The following SIGLEC1 variants were observed in gnomAD, a reference collection of about 807,000 sequenced individuals.
SIGLEC1 encodes sialoadhesin.
Under a neutral mutation model 148.0 loss-of-function variants are expected in SIGLEC1, and 132 were observed. The observed-to-expected ratio is 0.89, with a 90% confidence interval of 0.77 to 1.03. SIGLEC1 has a LOEUF of 1.03. SIGLEC1 is among the 50% of genes least tolerant of loss of function. The pLI, the probability that SIGLEC1 is intolerant of heterozygous loss-of-function variation, is 0.00. For synonymous variants in SIGLEC1, 945 were observed against 969.0 expected, an observed-to-expected ratio of 0.98 and a Z score of 0.46; for missense variants, 2,253 against 2,271.4, an observed-to-expected ratio of 0.99 and a Z score of 0.16.
At position 3,691,339 on chromosome 20, in the gene SIGLEC1, CAG is replaced by C; in HGVS notation, c.4590_4591del (p.Tyr1531ProfsTer14). The C allele has an allele frequency of 2.5e-6, 4 of 1,613,392 alleles. No individual in the cohort carries two copies. The highest frequency in any genetic ancestry group is 3.4e-6 in the Non-Finnish European group (4 of 1,179,944). ...AGGCGGAGGAGGGGGTTCACACTCACAGAGCACACGGAGCATGACTGGAGCAG... is the reference window on the plus strand; with the variant it reads ...AGGCGGAGGAGGGGGTTCACACTCACAGCACACGGAGCATGACTGGAGCAG... On this transcript the variant is annotated frameshift_variant and splice_region_variant, in exon 18 of 22. Coordinates refer to ENST00000344754, the MANE Select transcript of SIGLEC1 (RefSeq NM_023068.4). LOFTEE classifies it high-confidence loss of function.
At position 3,706,385 on chromosome 20, in the gene SIGLEC1, C is replaced by A. The variant is rs773490618; in HGVS notation, c.371G>T (p.Arg124Leu). 7 of 1,613,734 alleles carry A rather than the reference C, an allele frequency of 4.3e-6. No individual in the cohort carries two copies. The Admixed American group carries it at 8.3e-5, about 19-fold the overall frequency. ...CAAGGTGCCTTTCACATCTGACCAG[C>A]GGTTGACCTCACTGATCTCGAAGCG... ...NFRFEISEVN[R>L]WSDVKGTLVT... The change falls in exon 3 of 22, where the codon CGC becomes CTC. Residue 124 changes from arginine to leucine, a missense_variant. Coordinates refer to ENST00000344754, the MANE Select transcript of SIGLEC1 (RefSeq NM_023068.4).
rs2087804506 is a variant in SIGLEC1, at chr20:3,696,777, T to C, written c.2492A>G (p.His831Arg). Reference protein sequence around the residue: ...SRPLALLALFHGEHLLATSLG... With the variant: ...SRPLALLALFRGEHLLATSLG... The stretch of plus-strand genomic sequence containing the variant: ...GCTGGTGGCCAGGAGGTGCTCCCCA[T>C]GGAACAAGGCCAGCAAGGCCAGGGG... The change falls in exon 11 of 22, where the codon CAT becomes CGT. Residue 831 changes from histidine to arginine, a missense_variant. Physicochemically the swap from His to Arg is conservative, Grantham distance 29. Coordinates refer to ENST00000344754, the MANE Select transcript of SIGLEC1 (RefSeq NM_023068.4). 4 of 1,613,052 alleles carry C rather than the reference T, an allele frequency of 2.5e-6. No homozygotes were observed. In the East Asian group the frequency reaches 8.9e-5, roughly 36 times the overall value.
intron 5 of SIGLEC1, 126 bp from the exon 6 acceptor site, chr20:3,703,577 A>G: frequency 7.8e-7 from 1 of 1,277,726 alleles, no homozygotes. Flanking sequence ...GCCTGCTGCT[A>G]CAGGGGAGCC....
intron 11 of SIGLEC1, among the ~76,000 whole-genome samples, 163 bp from the exon 12 acceptor site, chr20:3,695,086 C>G (rs779681341): frequency 6.6e-6 from 1 of 152,198 alleles, no homozygotes; most frequent in Non-Finnish European, 1.5e-5. Flanking sequence ...TGCCTTGGCC[C>G]CTCCTGCTCC....
intron 6 of SIGLEC1, 144 bp from the exon 7 acceptor site, chr20:3,701,785 G>T: frequency 1.3e-6 from 1 of 769,102 alleles, no homozygotes; most frequent in Non-Finnish European, 1.9e-6. Context: ...AGTGCCTGCT[G>T]AATACACTTT....
At position 3,703,368 on chromosome 20, in the gene SIGLEC1, G is replaced by T. The variant is rs764118571; in HGVS notation, c.1057C>A (p.Pro353Thr). 2 of 1,613,346 alleles carry T rather than the reference G, an allele frequency of 1.2e-6. No individual in the cohort carries two copies. Among genetic ancestry groups the T allele is most frequent in the Non-Finnish European group, 1.7e-6 (2 of 1,179,588 alleles). Reference protein sequence around the residue: ...TLVCNTPNEAPSDLRYSWYKN... With the variant: ...TLVCNTPNEATSDLRYSWYKN... ...TACCAGCTGTAGCGGAGATCACTGG[G>T]TGCCTCATTGGGTGTGTTGCAGACT... The change falls in exon 6 of 22, where the codon CCC becomes ACC. Residue 353 changes from proline (P) to threonine (T), a missense_variant. Pro to Thr is a conservative substitution (Grantham distance 38, BLOSUM62 -1). Coordinates refer to ENST00000344754, the MANE Select transcript of SIGLEC1 (RefSeq NM_023068.4).
In SIGLEC1 at chr20:3,703,246, C is replaced by T. The variant is rs199806891; in HGVS notation, c.1179G>A (p.Gln393=). Residue 393 remains glutamine, a synonymous_variant, in exon 6 of 22, where the codon CAG becomes CAA. Coordinates refer to ENST00000344754, the MANE Select transcript of SIGLEC1 (RefSeq NM_023068.4). The part of the protein sequence containing the change: ...ADTGFYFCEV[Q]NVHGSERSGP... ...CCGAGCGCTCGCTGCCATGGACGTT[C>T]TGCACCTCACAGAAGTAGAAGCCAG... The T allele has an allele frequency of 5.6e-6, 9 of 1,614,234 alleles. No homozygotes were observed. The East Asian group carries it at 1.8e-4, about 32-fold the overall frequency.
intron 6 of SIGLEC1, 68 bp from the exon 7 acceptor site, chr20:3,701,709 C>T: frequency 7.0e-7 from 1 of 1,424,178 alleles, no homozygotes; most frequent in Non-Finnish European, 9.4e-7. Context: ...CCTGATACAA[C>T]CCGTGACCTC....
At position 3,710,771 on chromosome 20, in the gene SIGLEC1, G is replaced by A. The variant is rs180765672; in HGVS notation, c.-110+1699C>T. 3.3e-4 allele frequency among the ~76,000 whole-genome samples: 50 copies of A among 152,356 alleles called. No homozygotes were observed. The highest frequency in any genetic ancestry group is 1.4e-3 in the Admixed American group (22 of 15,308). On this transcript the variant is annotated intron_variant, in intron 1 of 21. Transcript: ENST00000344754. This position sits in a 1 kb window ranked among gnomAD's most constrained non-coding sequence, Gnocchi z 4.6. ...TTCTGGACACAGCGACCCTGGAACA[G>A]GGCGCGGGGGAGGACCCTTTCCAGG...
chr20:3,692,312 C>A, intron 16 of SIGLEC1, 110 bp from the exon 17 acceptor site: 1 of 1,247,666 alleles, frequency 8.0e-7, no homozygotes, highest in African/African-American at 1.5e-5. Context: ...ATGGCCACTT[C>A]CTAGAAGTGA....
chr20:3,705,423 C>G (rs6084441), intron 4 of SIGLEC1, among the ~76,000 whole-genome samples: 1 of 152,124 alleles, frequency 6.6e-6, no homozygotes, highest in Non-Finnish European at 1.5e-5. Context: ...TCCTCCAGCA[C>G]GGGGTAAATC....
At chr20:3,690,371 C>G in intron 18 of SIGLEC1, 107 bp from the exon 19 acceptor site, 1 of 864,214 alleles carries the variant, frequency 1.2e-6, no homozygotes, top group Non-Finnish European at 1.7e-6. Flanking sequence ...AGAGGCAGAA[C>G]CTATTTCCTC....
chr20:3,703,717 C>A, intron 5 of SIGLEC1, 108 bp downstream of exon 5: 3 of 1,432,762 alleles, frequency 2.1e-6, no homozygotes, highest in Non-Finnish European at 9.4e-7. Flanking sequence ...CCAGGAAGCA[C>A]TGGGTTATGC....
At chr20:3,693,378 G>A (rs954254041) in intron 14 of SIGLEC1, 69 bp downstream of exon 14, 67 of 1,491,732 alleles carry the variant, frequency 4.5e-5, no homozygotes, top group East Asian at 9.1e-5. Context: ...GTCGGGTTCC[G>A]GCCATGCCGT....
chr20:3,712,393 G>A (rs895746638), intron 1 of SIGLEC1, among the ~76,000 whole-genome samples, 77 bp downstream of exon 1: 6 of 123,628 alleles, frequency 4.9e-5, no homozygotes, highest in African/African-American at 1.1e-4. Context: ...CCCCTATCCC[G>A]CTCAGCCAGT....
Position 3,699,278 on chromosome 20 carries a change from G to A in SIGLEC1, c.1710C>T (p.Ala570=), listed in dbSNP as rs764189534. The A allele has an allele frequency of 1.5e-5, 24 of 1,608,950 alleles. No individual in the cohort carries two copies. Among genetic ancestry groups the A allele is most frequent in the East Asian group, 4.5e-5 (2 of 44,750 alleles). Residue 570 remains alanine (A), a synonymous_variant, in exon 8 of 22, where the codon GCC becomes GCT. Coordinates refer to ENST00000344754, the MANE Select transcript of SIGLEC1 (RefSeq NM_023068.4). ...CCCGGGCCCGGCAGTGGTATGAGCC[G>A]GCGTCAGTGCTGGAGGCCGCGGGGA... ...LLLPAASSTD[A]GSYHCRARDG... is the part of the protein sequence containing the mutation.
chr20:3,689,629 C>T lies in SIGLEC1; in HGVS notation c.4968G>A (p.Leu1656=), dbSNP rs1057400876. ...LGLLVGLLLL[L]LGLGACYTWR... ...AGGTGTAGCAGGCCCCCAGGCCCAA[C>T]AGCAGGAGCAGGAGGCCCACCAGCA... Residue 1656 remains leucine (L), a synonymous_variant, in exon 20 of 22, where the codon CTG becomes CTA. Coordinates refer to ENST00000344754, the MANE Select transcript of SIGLEC1 (RefSeq NM_023068.4). The T allele has an allele frequency of 6.3e-7, 1 of 1,588,260 alleles. No individual in the cohort carries two copies. The highest frequency in any genetic ancestry group is 8.6e-7 in the Non-Finnish European group (1 of 1,167,582).
rs376573372 is a variant in SIGLEC1, at chr20:3,694,701, G to T, written c.2906C>A (p.Thr969Asn). The T allele has an allele frequency of 3.3e-5, 53 of 1,613,744 alleles. No individual in the cohort carries two copies. The highest frequency in any genetic ancestry group is 4.3e-5 in the Non-Finnish European group (51 of 1,180,010). Residue 969 changes from threonine (T) to asparagine (N), a missense_variant, in exon 12 of 22, where the codon ACC becomes AAC. By Grantham distance (65) the Thr-to-Asn change is moderately conservative (BLOSUM62 0). Transcript: ENST00000344754. ...HCQAQAPGSA[T>N]TSLAAPISLH... Reference sequence around the variant, plus strand: ...GCTGATGGGTGCAGCTAGGCTCGTGGTGGCTGAGCCTGGGGCCTGGGCTTG... The same window carrying T: ...GCTGATGGGTGCAGCTAGGCTCGTGTTGGCTGAGCCTGGGGCCTGGGCTTG...
At chr20:3,703,589 C>T in intron 5 of SIGLEC1, 138 bp from the exon 6 acceptor site, 1 of 1,205,978 alleles carries the variant, frequency 8.3e-7, no homozygotes, top group Non-Finnish European at 1.1e-6. Flanking sequence ...AGGGGAGCCT[C>T]CTGGAGTGCT....
Sources: allele counts gnomAD v4.1 joint callset (sites outside exome capture counted in the v4.1 genomes callset), GRCh38; gene constraint gnomAD v4.1.1; non-coding constraint Gnocchi (gnomAD v3.1); transcripts MANE v1.5; gene names NCBI Gene and HGNC (gene_info 2026-07-23, HGNC 2026-07-21).